Variants in ZNF276 observed in about 807,000 individuals in gnomAD.
The protein encoded by ZNF276 is centromere protein Z.
Under a neutral mutation model 63.9 loss-of-function variants are expected in ZNF276, and 59 were observed. The observed-to-expected ratio is 0.92, with a 90% CI of 0.75 to 1.15. The LOEUF is 1.15. ZNF276 is among the 50% of genes most tolerant of loss of function. The pLI, the probability that ZNF276 is intolerant of heterozygous loss-of-function variation, is 0.00. For synonymous variants in ZNF276, 496 were observed against 348.4 expected (o/e 1.42, Z -4.72); for missense variants, 1,084 against 843.8 (o/e 1.28, Z -3.53).
At position 89,740,699 on chromosome 16, in the gene ZNF276, A is replaced by T; in HGVS notation, c.*2453A>T. The T allele has an allele frequency of 1.1e-6, 1 of 873,466 alleles. No homozygotes were observed. The highest frequency in any genetic ancestry group is 1.4e-5 in the South Asian group (1 of 70,552). 54.1% of individuals were successfully genotyped at this position (873,466 alleles called of 1,614,324 possible). ...CACTCACACTTCCGCAAACACAAGGAGCTCCTGAGCTAGTCTGGAAACCCT... is the reference window on the plus strand; with the variant it reads ...CACTCACACTTCCGCAAACACAAGGTGCTCCTGAGCTAGTCTGGAAACCCT... On this transcript the variant is annotated 3_prime_UTR_variant, in exon 11 of 11. Coordinates refer to ENST00000443381, the MANE Select transcript of ZNF276 (RefSeq NM_001113525.2).
intron 9 of ZNF276, among the ~76,000 whole-genome samples, chr16:89,735,016 G>C (rs947325576): frequency 6.6e-6 from 1 of 152,032 alleles, no homozygotes. Context: ...AAAATTATCT[G>C]GGTGTGGTGG....
At chr16:89,734,371 G>C (rs2061778830) in intron 9 of ZNF276, among the ~76,000 whole-genome samples, 1 of 152,094 alleles carries the variant, frequency 6.6e-6, no homozygotes, top group African/African-American at 2.4e-5. Context: ...TGTTGCCCAG[G>C]CTGGAGTGCA....
rs2061337180 is a variant in ZNF276, at chr16:89,722,749, C to T, written c.424C>T (p.Gln142Ter). Residue 142 changes from glutamine (Q) to a stop codon, truncating the protein, a stop_gained, in exon 2 of 11, where the codon CAG becomes TAG. Coordinates refer to ENST00000443381, the MANE Select transcript of ZNF276 (RefSeq NM_001113525.2). LOFTEE classifies it high-confidence loss of function. ...GTTTGTCTGCAAGAGCTGCCACGCC[C>T]AGTTCTACCAGTGCCACAGCCTTCT... Reference protein sequence around the residue: ...SPFVCKSCHAQFYQCHSLLKS... With the variant: ...SPFVCKSCHA 1.2e-6 allele frequency: 2 copies of T among 1,611,456 alleles called. No homozygotes were observed. The highest frequency in any genetic ancestry group is 1.3e-5 in the African/African-American group (1 of 75,076).
upstream of ZNF276, chr16:89,720,684 C>G: frequency 7.7e-7 from 1 of 1,294,836 alleles, no homozygotes; most frequent in Non-Finnish European, 9.8e-7. Context: ...CCGAGCCGGC[C>G]CCGTCCTCGC....
chr16:89,721,246 G>A (rs1447672238), upstream of ZNF276: 2 of 218,294 alleles, frequency 9.2e-6, no homozygotes, highest in Non-Finnish European at 8.9e-6. Context: ...CTCCGCCGGC[G>A]CCTGCCCGCC....
upstream of ZNF276, chr16:89,720,975 G>A (rs2061250351): frequency 2.9e-6 from 3 of 1,050,364 alleles, no homozygotes; most frequent in South Asian, 4.0e-5. Context: ...CCGCAGGAAG[G>A]GACGCGGCCG....
chr16:89,739,154 C>T lies in ZNF276; in HGVS notation c.*908C>T, dbSNP rs759216137. ...CTGCCTGACCCTTGAGCTCCAGGCT[C>T]CTGCCAGCTGGAGGTGAAACTGTGC... On this transcript the variant is annotated 3_prime_UTR_variant, in exon 11 of 11. Transcript: ENST00000443381. The T allele has an allele frequency of 6.2e-7, 1 of 1,614,138 alleles. No homozygotes were observed. Among genetic ancestry groups the T allele is most frequent in the East Asian group, 2.2e-5 (1 of 44,882 alleles).
intron 6 of ZNF276, chr16:89,732,447 T>C (rs2061684475): frequency 1.3e-5 from 2 of 153,314 alleles, no homozygotes; most frequent in South Asian, 4.0e-4. Flanking sequence ...GGAATCAAGC[T>C]GACCCATTTT....
intron 4 of ZNF276, among the ~76,000 whole-genome samples, chr16:89,723,916 C>T (rs2061388822): frequency 6.6e-6 from 1 of 152,266 alleles, no homozygotes; most frequent in African/African-American, 2.4e-5. Flanking sequence ...CCTCTTGCTC[C>T]TCTGTGAGCA....
intron 6 of ZNF276, among the ~76,000 whole-genome samples, 191 bp downstream of exon 6, chr16:89,729,509 G>T (rs772128008): frequency 1.1e-4 from 16 of 152,228 alleles, no homozygotes; most frequent in South Asian, 2.1e-4. Context: ...TGAGAAGGTG[G>T]GTCCTCCTGG....
At position 89,722,518 on chromosome 16, in the gene ZNF276, C is replaced by T. The variant is rs768490862; in HGVS notation, c.206-13C>T. The T allele has an allele frequency of 3.1e-6, 5 of 1,597,888 alleles. No individual in the cohort carries two copies. Among genetic ancestry groups the T allele is most frequent in the East Asian group, 2.2e-5 (1 of 44,636 alleles). ...CTTTGCCAGCTGCTAACACTTCCTG[C>T]CGCTCTGTGCAGGAGCAGGCCGGGC... is the stretch of plus-strand genomic sequence containing the variant. On this transcript the variant is annotated splice_polypyrimidine_tract_variant and intron_variant, in intron 1 of 10. Transcript: ENST00000443381.
chr16:89,733,659 A>G, intron 8 of ZNF276, 102 bp downstream of exon 8: 2 of 1,379,282 alleles, frequency 1.5e-6, no homozygotes, highest in Non-Finnish European at 2.0e-6. Flanking sequence ...GCGCCCAAGG[A>G]CACTTTGACC....
chr16:89,738,472 T>A lies in ZNF276; in HGVS notation c.*226T>A, dbSNP rs1340633481. ...CGGGGCCGGACAGTTCATAAATAAT[T>A]GATTCCTTTCCCCACTAAAGCAGTC... On this transcript the variant is annotated 3_prime_UTR_variant, in exon 11 of 11. Transcript: ENST00000443381. 1.4e-6 allele frequency: 2 copies of A among 1,470,172 alleles called. No homozygotes were observed. Among genetic ancestry groups the A allele is most frequent in the East Asian group, 2.4e-5 (1 of 42,288 alleles). 91.1% of individuals were successfully genotyped at this position (1,470,172 alleles called of 1,614,324 possible). A position where few individuals can be genotyped will look rare whatever the true frequency, so the allele number is the denominator to read the frequency against.
chr16:89,728,358 G>A (rs1241599066), intron 5 of ZNF276, among the ~76,000 whole-genome samples: 2 of 152,036 alleles, frequency 1.3e-5, no homozygotes, highest in Admixed American at 6.6e-5. Flanking sequence ...CCGAGTAGCT[G>A]GGATTACAGG....
chr16:89,729,401 G>T (rs943872102), intron 6 of ZNF276, 83 bp downstream of exon 6: 3 of 1,245,856 alleles, frequency 2.4e-6, no homozygotes, highest in Admixed American at 1.8e-5. Context: ...TCTCCCCGGT[G>T]CCCACTCAGT....
chr16:89,721,754 T>C lies in ZNF276; in HGVS notation c.114T>C (p.Gly38=), dbSNP rs2151654574. 3 of 1,308,528 alleles carry C rather than the reference T, an allele frequency of 2.3e-6. No homozygotes were observed. Among genetic ancestry groups the C allele is most frequent in the Non-Finnish European group, 2.9e-6 (3 of 1,031,046 alleles). The allele number at this position is 1,308,528 out of a possible 1,614,324, so 81.1% of individuals were successfully genotyped here. The stretch of plus-strand genomic sequence containing the variant: ...CTCGGGGCCGCCCTTCCCTTAGCGG[T>C]GGGCCGAGGGTGGACGGGGCGACGG... ...SRTRGRPSLS[G]GPRVDGATAR... is the part of the protein sequence containing the mutation. The change falls in exon 1 of 11, where the codon GGT becomes GGC. Residue 38 remains glycine, a synonymous_variant. Coordinates refer to ENST00000443381, the MANE Select transcript of ZNF276 (RefSeq NM_001113525.2).
chr16:89,738,033 C>T lies in ZNF276; in HGVS notation c.1632C>T (p.Thr544=), dbSNP rs764278170. The change falls in exon 11 of 11, where the codon ACC becomes ACT. Residue 544 remains threonine, a synonymous_variant. Coordinates refer to ENST00000443381, the MANE Select transcript of ZNF276 (RefSeq NM_001113525.2). ...GGGCATCCCTCAAGTACCACATGAC[C>T]AAACACAAGGCTGAGACTGAGCTGG... ...RQRASLKYHM[T]KHKAETELDF... The T allele has an allele frequency of 8.7e-6, 14 of 1,614,034 alleles. No individual in the cohort carries two copies. The African/African-American group carries it at 1.7e-4, about 20-fold the overall frequency.
In ZNF276 at chr16:89,723,682, C is replaced by G. The variant is rs754896548; in HGVS notation, c.979C>G (p.Pro327Ala). The G allele has an allele frequency of 6.2e-7, 1 of 1,611,082 alleles. No homozygotes were observed. Among genetic ancestry groups the G allele is most frequent in the South Asian group, 1.1e-5 (1 of 91,046 alleles). Residue 327 changes from proline to alanine, a missense_variant, in exon 4 of 11, where the codon CCA (proline) becomes GCA (alanine). Pro to Ala is a conservative substitution (Grantham distance 27). Transcript: ENST00000443381. ...GCCCAGGTCGGGCTTCCCACCTCAG[C>G]CAAGCCTGCCCCTTTGCAGGGCCCC... Reference protein sequence around the residue: ...VGPRSGFPPQPSLPLCRAPGQ... With the variant: ...VGPRSGFPPQASLPLCRAPGQ...
chr16:89,724,979 T>C, intron 4 of ZNF276, among the ~76,000 whole-genome samples: 1 of 152,264 alleles, frequency 6.6e-6, no homozygotes, highest in East Asian at 1.9e-4. Context: ...AGAGTCTCGT[T>C]TTGTAGCCCA....
Sources: gnomAD v4.1 joint callset for allele counts (sites outside exome capture counted in the v4.1 genomes callset) on GRCh38, gnomAD v4.1.1 for gene constraint, MANE v1.5 for transcripts, NCBI Gene and HGNC (gene_info 2026-07-23, HGNC 2026-07-21) for gene names.